The following CIBAR1 variants were observed in gnomAD, a reference collection of about 807,000 sequenced individuals.
CIBAR1 encodes CBY1-interacting BAR domain-containing protein 1.
A neutral mutation model predicts 44.0 loss-of-function variants in CIBAR1; 25 were observed. The ratio of observed to expected loss-of-function variants is 0.57; its 90% CI spans 0.41 to 0.79. The LOEUF (loss-of-function observed/expected upper bound fraction) is 0.79. Among genes scored for constraint, CIBAR1 ranks in the 30% least tolerant of loss-of-function variants. The pLI, the probability that CIBAR1 is intolerant of heterozygous loss-of-function variation, is 0.00. For missense variants in CIBAR1, 278 were observed against 344.8 expected, an observed-to-expected ratio of 0.81 and a Z score of 1.53; for synonymous variants, 115 against 119.0, an observed-to-expected ratio of 0.97 and a Z score of 0.22.
At chr8:93,715,535 TAACA>T (rs1811007653) in intron 6 of CIBAR1, 1 of 152,164 alleles carries the variant, frequency 6.6e-6, no homozygotes, top group African/African-American at 2.4e-5. Flanking sequence ...GTAATAACAA[TAACA>T]AACATTTCTT....
rs940975698 is a variant in CIBAR1 at position 93,731,267 on chromosome 8, C to A, written c.*2970C>A. 8 of 152,212 alleles carry A rather than the reference C, an allele frequency of 5.3e-5. No individual in the cohort carries two copies. The highest frequency in any genetic ancestry group is 1.7e-4 in the African/African-American group (7 of 41,452). The allele number at this position is 152,212 out of a possible 1,614,324, so 9.4% of individuals were successfully genotyped here. A position where few individuals can be genotyped will look rare whatever the true frequency, so the allele number is the denominator to read the frequency against. On this transcript the variant is annotated 3_prime_UTR_variant, in exon 9 of 9. Transcript: ENST00000518322. ...AAATGCAATTCCACAGTAAGTAATC[C>A]CTCACGTTAAGCTTCATCTTAGCTT...
At chr8:93,710,920 A>AT (rs745975624) in intron 6 of CIBAR1, among the ~76,000 whole-genome samples, 4 of 152,110 alleles carry the variant, frequency 2.6e-5, no homozygotes, top group Non-Finnish European at 4.4e-5. Context: ...CTATAAACCA[A>AT]TTTTTTAATC....
intron 1 of CIBAR1, 142 bp downstream of exon 1, chr8:93,700,815 C>A: frequency 7.5e-7 from 1 of 1,330,604 alleles, no homozygotes; most frequent in Non-Finnish European, 9.6e-7. Context: ...TGACCTGGGG[C>A]CTAATTCCTT....
intron 3 of CIBAR1, 85 bp downstream of exon 3, chr8:93,703,773 AC>A: frequency 8.5e-7 from 1 of 1,183,334 alleles, no homozygotes; most frequent in Non-Finnish European, 1.2e-6. Flanking sequence ...AATAAGAAAT[AC>A]AAAGTAGTGG....
At position 93,708,017 on chromosome 8, in the gene CIBAR1, G is replaced by T. The variant is rs1242461149; in HGVS notation, c.438+1G>T. Reference sequence around the variant, plus strand: ...CCTTTATGAAAAATTTCAGTCACAGGTGGGTAATAAAGTGGTGTGTCAAGA... The same window carrying T: ...CCTTTATGAAAAATTTCAGTCACAGTTGGGTAATAAAGTGGTGTGTCAAGA... On this transcript the variant is annotated splice_donor_variant, in intron 5 of 8. Transcript: ENST00000518322. LOFTEE classifies it high-confidence loss of function. 2 of 1,567,454 alleles carry T rather than the reference G, an allele frequency of 1.3e-6. No individual in the cohort carries two copies. The highest frequency in any genetic ancestry group is 1.8e-5 in the Admixed American group (1 of 56,848).
At chr8:93,722,025 TG>T (rs1431971113) in intron 7 of CIBAR1, among the ~76,000 whole-genome samples, 1 of 152,086 alleles carries the variant, frequency 6.6e-6, no homozygotes, top group Non-Finnish European at 1.5e-5. Context: ...TTGAGAATCA[TG>T]GCATGTCATG....
intron 7 of CIBAR1, chr8:93,724,636 C>A: frequency 1.7e-6 from 2 of 1,203,208 alleles, no homozygotes; most frequent in South Asian, 1.5e-5. Flanking sequence ...ATAGTTTGGT[C>A]TTCTAGGTAA....
rs1029107543 is a variant in CIBAR1 at position 93,727,334 on chromosome 8, A to G, written c.777+821A>G. 25 of 530,850 alleles carry G rather than the reference A, an allele frequency of 4.7e-5. No individual in the cohort carries two copies. The South Asian group carries it at 5.1e-4, about 11-fold the overall frequency. 32.9% of individuals were successfully genotyped at this position (530,850 alleles called of 1,614,324 possible). On this transcript the variant is annotated intron_variant, in intron 8 of 8. Transcript: ENST00000518322. The stretch of plus-strand genomic sequence containing the variant: ...ATGTATGTATCTCTCCCCCAACCCA[A>G]TTGTATTTTTTTTATTCCGGCATTA...
chr8:93,719,104 T>TA (rs1243922119), intron 7 of CIBAR1, among the ~76,000 whole-genome samples: 2 of 152,172 alleles, frequency 1.3e-5, no homozygotes, highest in African/African-American at 4.8e-5. Flanking sequence ...TCTCAAGTGA[T>TA]ACGCCCACCT....
rs369036939 is a variant in CIBAR1, at chr8:93,701,366, G to C, written c.169G>C (p.Ala57Pro). Residue 57 changes from alanine (A) to proline (P), a missense_variant, in exon 2 of 9, where the codon GCG (alanine) becomes CCG (proline). This residue lies in a region of CIBAR1 where 183 missense variants were observed against 218.6 expected (regional missense o/e 0.84). Transcript: ENST00000518322. ...AGACCTCCTGGTGAATGAAATTAAC[G>C]CGTATGCTGCTACAGAGACCCCGCA... ...KADLLVNEIN[A>P]YAATETPHLK... 1 of 1,613,812 alleles carries C rather than the reference G, an allele frequency of 6.2e-7. No individual in the cohort carries two copies. Among genetic ancestry groups the C allele is most frequent in the Non-Finnish European group, 8.5e-7 (1 of 1,179,866 alleles).
At chr8:93,726,216 A>C (rs942553681) in intron 7 of CIBAR1, 178 bp from the exon 8 acceptor site, 2 of 537,024 alleles carry the variant, frequency 3.7e-6, no homozygotes, top group Non-Finnish European at 6.5e-6. Flanking sequence ...TAGAATTTTT[A>C]GCTTTCATCT....
At chr8:93,711,323 A>G (rs1041918272) in intron 6 of CIBAR1, among the ~76,000 whole-genome samples, 2 of 152,220 alleles carry the variant, frequency 1.3e-5, no homozygotes, top group Non-Finnish European at 2.9e-5. Flanking sequence ...TATTCTTTCA[A>G]TAAAATAAGC....
At position 93,700,594 on chromosome 8, in the gene CIBAR1, T is replaced by C. The variant is rs542257786; in HGVS notation, c.-54T>C. Reference sequence around the variant, plus strand: ...GCGCCCCAGCGCGCGCCCAGGCGCCTTGGAATCCCCGTCCTTGGGCCCCCG... The same window carrying C: ...GCGCCCCAGCGCGCGCCCAGGCGCCCTGGAATCCCCGTCCTTGGGCCCCCG... On this transcript the variant is annotated 5_prime_UTR_variant, in exon 1 of 9. Coordinates refer to ENST00000518322, the MANE Select transcript of CIBAR1 (RefSeq NM_145269.5). 6.2e-5 allele frequency: 91 copies of C among 1,458,426 alleles called. No individual in the cohort carries two copies. The highest frequency in any genetic ancestry group is 1.5e-4 in the East Asian group (5 of 32,806). 90.3% of individuals were successfully genotyped at this position (1,458,426 alleles called of 1,614,324 possible).
intron 1 of CIBAR1, 78 bp from the exon 2 acceptor site, chr8:93,701,146 T>C (rs1305548549): frequency 3.9e-6 from 6 of 1,532,932 alleles, no homozygotes; most frequent in African/African-American, 1.4e-5. Flanking sequence ...GCCCGGGGAA[T>C]GTTTGCATGT....
intron 2 of CIBAR1, chr8:93,701,750 C>T (rs1036742469): frequency 5.2e-6 from 2 of 386,062 alleles, no homozygotes; most frequent in African/African-American, 2.1e-5. Context: ...GAATAGTACC[C>T]AGGGGGAAGA....
chr8:93,708,705 T>G (rs188467339), intron 5 of CIBAR1, among the ~76,000 whole-genome samples: 1 of 152,350 alleles, frequency 6.6e-6, no homozygotes, highest in Admixed American at 6.5e-5. Flanking sequence ...CTGAAATATT[T>G]GTAGTGTATA....
chr8:93,725,831 A>T (rs1385241875), intron 7 of CIBAR1: 1 of 152,698 alleles, frequency 6.5e-6, no homozygotes, highest in Admixed American at 6.5e-5. Flanking sequence ...TAGTCTATAT[A>T]GAGAAATGGT....
rs114655935 is a variant in CIBAR1, at chr8:93,714,307, T to G, written c.544-4368T>G. On this transcript the variant is annotated intron_variant, in intron 6 of 8. Transcript: ENST00000518322. ...TACAGTTGATTTTTGTATACTGACT[T>G]ATGTCTTACAACCTTGCCAAACTTG... 4.5e-3 allele frequency among the ~76,000 whole-genome samples: 691 copies of G among 152,352 alleles called. 9 individuals are homozygous for G. Among genetic ancestry groups the G allele is most frequent in the African/African-American group, 0.015 (639 of 41,580 alleles).
chr8:93,707,297 C>A (rs765786780), intron 4 of CIBAR1: 21 of 362,056 alleles, frequency 5.8e-5, no homozygotes, highest in Middle Eastern at 7.4e-4. Context: ...TTGCTATGCT[C>A]AAGTAAAGGG....
Sources: gnomAD v4.1 joint callset for allele counts (sites outside exome capture counted in the v4.1 genomes callset) on GRCh38, gnomAD v4.1.1 for gene constraint, gnomAD v4.1.1 regional missense constraint, MANE v1.5 for transcripts, NCBI Gene and HGNC (gene_info 2026-07-23, HGNC 2026-07-21) for gene names.